CAST: variants seen among roughly 807,000 people sequenced by gnomAD.
CAST encodes the protein calpastatin, also known as MIR583 host.
Under a neutral mutation model 119.6 loss-of-function variants are expected in CAST, and 76 were observed. The observed-to-expected ratio is 0.64, with a 90% CI of 0.53 to 0.77. CAST has a LOEUF of 0.77. Among genes scored for constraint, CAST ranks in the 30% least tolerant of loss-of-function variants. The pLI, the probability that CAST is intolerant of heterozygous loss-of-function variation, is 0.00. For missense variants in CAST, 953 were observed against 946.5 expected (o/e 1.01, Z -0.09); for synonymous variants, 319 against 331.6 (o/e 0.96, Z 0.41).
the CAST span, among the ~76,000 whole-genome samples, chr5:96,388,645 T>C: frequency 6.6e-6 from 1 of 152,240 alleles, no homozygotes; most frequent in African/African-American, 2.4e-5. Context: ...ATGAATGTTA[T>C]AGCTTTGCAA....
At chr5:96,429,069 A>G in the CAST span, 6 of 593,372 alleles carry the variant, frequency 1.0e-5, no homozygotes, top group South Asian at 1.3e-4. Context: ...TTTTATGGAA[A>G]GAAATTAGAA....
At chr5:96,176,108 A>G in the CAST span, among the ~76,000 whole-genome samples, 1 of 152,184 alleles carries the variant, frequency 6.6e-6, no homozygotes, top group African/African-American at 2.4e-5. Context: ...CTGAAGGACA[A>G]AGAGAATTTT....
At chr5:96,377,951 G>A in the CAST span, among the ~76,000 whole-genome samples, 1 of 152,130 alleles carries the variant, frequency 6.6e-6, no homozygotes, top group Non-Finnish European at 1.5e-5. Context: ...AATGTGGTAT[G>A]TATATATACA....
the CAST span, among the ~76,000 whole-genome samples, chr5:96,039,052 A>G: frequency 8.0e-3 from 1,217 of 152,212 alleles, 19 homozygotes; most frequent in African/African-American, 0.028. Context: ...TGATATTTTA[A>G]TGATCACCAT....
At chr5:96,566,063 T>C (rs1184850068) in intron 1 of CAST, among the ~76,000 whole-genome samples, 2 of 152,138 alleles carry the variant, frequency 1.3e-5, no homozygotes, top group Admixed American at 6.5e-5. Flanking sequence ...GAGTCACTAA[T>C]GAAAAAGAAC....
intron 1 of CAST, among the ~76,000 whole-genome samples, chr5:96,611,216 G>A (rs943432947): frequency 3.3e-4 from 50 of 152,050 alleles, no homozygotes; most frequent in African/African-American, 1.2e-3. Flanking sequence ...AAAGAACAAA[G>A]ACTACAGTAA....
intron 1 of CAST, among the ~76,000 whole-genome samples, chr5:96,560,120 T>C (rs936005857): frequency 7.9e-5 from 12 of 152,106 alleles, no homozygotes; most frequent in African/African-American, 2.9e-4. Context: ...ATTCCCTATT[T>C]AATAAATGGT....
At chr5:96,638,979 C>T (rs980747743) in intron 1 of CAST, among the ~76,000 whole-genome samples, 1 of 152,230 alleles carries the variant, frequency 6.6e-6, no homozygotes, top group Non-Finnish European at 1.5e-5. Flanking sequence ...TCTCTAGACA[C>T]ACTAGTCCTC....
At chr5:96,535,956 T>A (rs1745803380) in intron 1 of CAST, among the ~76,000 whole-genome samples, 1 of 152,050 alleles carries the variant, frequency 6.6e-6, no homozygotes. Context: ...ATACTGTTGT[T>A]TTGTTATGAG....
At chr5:96,276,770 A>T in the CAST span, among the ~76,000 whole-genome samples, 1 of 152,180 alleles carries the variant, frequency 6.6e-6, no homozygotes, top group Non-Finnish European at 1.5e-5. Context: ...ATCTAATATT[A>T]TCCTTTTCCC....
chr5:96,052,292 G>A, the CAST span, among the ~76,000 whole-genome samples: 3 of 152,160 alleles, frequency 2.0e-5, no homozygotes, highest in African/African-American at 2.4e-5. Flanking sequence ...GGGCTAGATC[G>A]GTCAGACTCT....
the CAST span, among the ~76,000 whole-genome samples, chr5:96,325,889 C>T: frequency 2.0e-5 from 3 of 152,312 alleles, no homozygotes; most frequent in Middle Eastern, 3.4e-3. Context: ...TCTGTTTTGG[C>T]TGGGTATACA....
chr5:96,114,305 A>T, the CAST span, among the ~76,000 whole-genome samples: 1 of 152,176 alleles, frequency 6.6e-6, no homozygotes, highest in African/African-American at 2.4e-5. Context: ...ACCTGGCAGA[A>T]TTCAGTCCTC....
the CAST span, among the ~76,000 whole-genome samples, chr5:96,437,773 C>T: frequency 6.6e-6 from 1 of 152,156 alleles, no homozygotes; most frequent in East Asian, 1.9e-4. Context: ...ACGCACTGAT[C>T]TACTTAACAT....
chr5:96,383,345 C>CTATA, the CAST span, among the ~76,000 whole-genome samples: 1 of 152,192 alleles, frequency 6.6e-6, no homozygotes, highest in African/African-American at 2.4e-5. Flanking sequence ...TGCTAATGTG[C>CTATA]TATACCCTGA....
intron 1 of CAST, among the ~76,000 whole-genome samples, chr5:96,630,153 C>T (rs155044): frequency 0.31 from 46,474 of 152,050 alleles, 7,161 homozygotes; most frequent in African/African-American, 0.33. Flanking sequence ...CTCTGTCTTC[C>T]GAGCTTACAG....
the CAST span, among the ~76,000 whole-genome samples, chr5:96,185,487 A>G: frequency 5.9e-5 from 9 of 152,318 alleles, no homozygotes; most frequent in African/African-American, 2.2e-4. Flanking sequence ...TTTGGGTTTT[A>G]CATTGAAGTC....
chr5:96,160,255 G>A, the CAST span, among the ~76,000 whole-genome samples: 528 of 152,134 alleles, frequency 3.5e-3, 2 homozygotes, highest in African/African-American at 4.2e-3. Context: ...CTCTCTGTTA[G>A]CAGTCACTCT....
the CAST span, among the ~76,000 whole-genome samples, chr5:96,467,728 A>C: frequency 6.6e-6 from 1 of 151,638 alleles, no homozygotes; most frequent in Admixed American, 6.6e-5. Flanking sequence ...GTAAAAAAAA[A>C]CAATAGCTGT....
Sources: allele counts gnomAD v4.1 joint callset (sites outside exome capture counted in the v4.1 genomes callset), GRCh38; gene constraint gnomAD v4.1.1; transcripts MANE v1.5; gene names NCBI Gene and HGNC (gene_info 2026-07-23, HGNC 2026-07-21).